Variants in GPHN observed in about 807,000 individuals in gnomAD.
GPHN encodes the protein gephyrin.
Under a neutral mutation model 95.5 loss-of-function variants are expected in GPHN, and 17 were observed. That is an observed-to-expected ratio of 0.18 (90% CI 0.12 to 0.27). The LOEUF is 0.27. Among genes scored for constraint, GPHN ranks in the 10% least tolerant of loss-of-function variants. The pLI is 1.00. For synonymous variants in GPHN, 320 were observed against 322.5 expected (o/e 0.99, Z 0.08); for missense variants, 660 against 978.1 (o/e 0.67, Z 4.34).
intron 4 of GPHN, among the ~76,000 whole-genome samples, chr14:66,827,812 A>C (rs1212750705): frequency 6.6e-6 from 1 of 151,958 alleles, no homozygotes; most frequent in Admixed American, 6.6e-5. Context: ...GAAATCTTGA[A>C]TTTCTGCTAT....
the GPHN span, among the ~76,000 whole-genome samples, chr14:67,246,951 A>G: frequency 6.6e-5 from 10 of 152,152 alleles, no homozygotes; most frequent in Non-Finnish European, 1.2e-4. Context: ...CACCCAGCCT[A>G]CTATAGCTTT....
intron 4 of GPHN, among the ~76,000 whole-genome samples, chr14:66,841,669 T>G (rs1024233919): frequency 2.0e-5 from 3 of 152,132 alleles, no homozygotes; most frequent in Admixed American, 6.5e-5. Context: ...AGGGGGAAGA[T>G]CAGGAATTTT....
the GPHN span, among the ~76,000 whole-genome samples, chr14:67,513,780 A>C: frequency 6.6e-6 from 1 of 152,164 alleles, no homozygotes; most frequent in Non-Finnish European, 1.5e-5. Context: ...CTGTCTTCCA[A>C]ACAGGGAAAA....
At chr14:67,681,194 C>A in the GPHN span, among the ~76,000 whole-genome samples, 1 of 152,164 alleles carries the variant, frequency 6.6e-6, no homozygotes, top group Non-Finnish European at 1.5e-5. Context: ...AAAGGCCATG[C>A]GAGGGCTCAG....
intron 1 of GPHN, among the ~76,000 whole-genome samples, chr14:66,638,588 A>T (rs1292140841): frequency 6.6e-6 from 1 of 152,150 alleles, no homozygotes; most frequent in Non-Finnish European, 1.5e-5. Flanking sequence ...AGTTGTCCAA[A>T]ATATTGCATG....
rs183237331 is a variant in GPHN at position 67,116,263 on chromosome 14, A to C, written c.1626+3092A>C. 1.5e-3 allele frequency among the ~76,000 whole-genome samples: 220 copies of C among 146,984 alleles called. 1 individual carries two copies. Among genetic ancestry groups the C allele is most frequent in the African/African-American group, 5.3e-3 (218 of 40,974 alleles). On this transcript the variant is annotated intron_variant, in intron 16 of 22. Coordinates refer to ENST00000478722, the MANE Select transcript of GPHN (RefSeq NM_020806.5). ...ACAGCCTGGGAAACAGAGTGAGACA[A>C]AGAAAGAAAAGAAAAAGAAAGAAAG... is the stretch of plus-strand genomic sequence containing the variant.
At chr14:67,415,059 GC>G in the GPHN span, among the ~76,000 whole-genome samples, 1 of 152,190 alleles carries the variant, frequency 6.6e-6, no homozygotes, top group Non-Finnish European at 1.5e-5. Flanking sequence ...GCCTGGAAGG[GC>G]TCTGTCTGCA....
chr14:67,417,318 C>T, the GPHN span, among the ~76,000 whole-genome samples: 1 of 152,166 alleles, frequency 6.6e-6, no homozygotes, highest in Admixed American at 6.5e-5. Flanking sequence ...TTATGTAGTG[C>T]GGTGCCTGGG....
chr14:67,095,957 A>G (rs2077360588), intron 12 of GPHN, among the ~76,000 whole-genome samples: 2 of 136,360 alleles, frequency 1.5e-5, no homozygotes, highest in Middle Eastern at 3.5e-3. Flanking sequence ...AAAAAAGAAA[A>G]GAAAAAGGCA....
chr14:67,599,940 TC>T, the GPHN span: 1 of 1,187,440 alleles, frequency 8.4e-7, no homozygotes, highest in African/African-American at 1.6e-5. Flanking sequence ...CGACCAGAGG[TC>T]CGGGCTCGAC....
At chr14:67,473,461 C>T in the GPHN span, 4 of 1,614,066 alleles carry the variant, frequency 2.5e-6, no homozygotes, top group African/African-American at 4.0e-5. This position sits in a 1 kb window ranked among gnomAD's most constrained non-coding sequence, Gnocchi z 6.5. Flanking sequence ...GCTAGGGCGC[C>T]GCTGGGCTCC....
chr14:66,669,348 G>T (rs1479236154), intron 1 of GPHN, among the ~76,000 whole-genome samples: 2 of 142,728 alleles, frequency 1.4e-5, no homozygotes, highest in Non-Finnish European at 1.5e-5. Flanking sequence ...TGGGCAACAA[G>T]AGTGAAACTC....
Position 67,144,245 on chromosome 14 carries a change from A to T in GPHN, c.1836+796A>T, listed in dbSNP as rs1567399915. Among the ~76,000 whole-genome samples, 265 of 66,622 alleles carry T rather than the reference A, an allele frequency of 4.0e-3. 28 individuals are homozygous for T. The African/African-American group carries it at 0.041, about 10-fold the overall frequency. The allele number at this position is 66,622 out of a possible 152,430, so 43.7% of individuals were successfully genotyped here. On this transcript the variant is annotated intron_variant, in intron 18 of 22. Coordinates refer to ENST00000478722, the MANE Select transcript of GPHN (RefSeq NM_020806.5). Reference sequence around the variant, plus strand: ...CAGCAAGACCCTGTCTTAAAAAAAAAAAAAAATATATATATATATATATAT... The same window carrying T: ...CAGCAAGACCCTGTCTTAAAAAAAATAAAAAATATATATATATATATATAT...
intron 10 of GPHN, among the ~76,000 whole-genome samples, chr14:67,050,671 AAAC>A (rs1459316596): frequency 6.6e-6 from 1 of 152,206 alleles, no homozygotes; most frequent in Non-Finnish European, 1.5e-5. Context: ...CAAGAAAAAA[AAAC>A]AAGGAGGGGC....
At position 66,539,675 on chromosome 14, in the gene GPHN, C is replaced by T. The variant is rs1004421009; in HGVS notation, c.64+31084C>T. Among the ~76,000 whole-genome samples the T allele has an allele frequency of 4.6e-5, 7 of 152,070 alleles. No homozygotes were observed. The East Asian group carries it at 1.4e-3, about 29-fold the overall frequency. On this transcript the variant is annotated intron_variant, in intron 1 of 22. Coordinates refer to ENST00000478722, the MANE Select transcript of GPHN (RefSeq NM_020806.5). ...ACCTCAGGTGATCTGCTCACCTCGG[C>T]CTCCCAAAGTGCTGGGATTACAGGT...
At chr14:67,527,379 A>G in the GPHN span, among the ~76,000 whole-genome samples, 1 of 152,216 alleles carries the variant, frequency 6.6e-6, no homozygotes, top group Non-Finnish European at 1.5e-5. Context: ...CGGAGGTTGC[A>G]GTGAGCCGAT....
rs1364851761 is a variant in GPHN, at chr14:66,561,606, C to G, written c.64+53015C>G. Among the ~76,000 whole-genome samples the G allele has an allele frequency of 7.9e-5, 12 of 152,160 alleles. No individual in the cohort carries two copies. The East Asian group carries it at 2.3e-3, about 29-fold the overall frequency. ...TTTACACAAATATTTAGCTATTGGA[C>G]TGTAACTAGAATATAGTTTATCTTA... On this transcript the variant is annotated intron_variant, in intron 1 of 22. Coordinates refer to ENST00000478722, the MANE Select transcript of GPHN (RefSeq NM_020806.5).
At position 66,946,962 on chromosome 14, in the gene GPHN, G is replaced by T. The variant is rs371977275; in HGVS notation, c.829-18229G>T. 1.1e-3 allele frequency among the ~76,000 whole-genome samples: 168 copies of T among 152,162 alleles called. 2 individuals are homozygous for T. In the South Asian group the frequency reaches 0.035, roughly 31 times the overall value. On this transcript the variant is annotated intron_variant, in intron 8 of 22. Coordinates refer to ENST00000478722, the MANE Select transcript of GPHN (RefSeq NM_020806.5). ...TCCACCCTTGCCTCCCTTCAATTCA[G>T]TCTTCAACCCATAGCCAGAGTCGAC... is the stretch of plus-strand genomic sequence containing the variant.
At chr14:67,461,239 C>T in the GPHN span, among the ~76,000 whole-genome samples, 7 of 152,156 alleles carry the variant, frequency 4.6e-5, no homozygotes, top group African/African-American at 1.7e-4. Flanking sequence ...TTTTAATCTC[C>T]ACCACTCTGG....
Sources: gnomAD v4.1 joint callset for allele counts (sites outside exome capture counted in the v4.1 genomes callset) on GRCh38, gnomAD v4.1.1 for gene constraint, Gnocchi (gnomAD v3.1) non-coding constraint, MANE v1.5 for transcripts, NCBI Gene and HGNC (gene_info 2026-07-23, HGNC 2026-07-21) for gene names.